DLGAP4: variants seen among roughly 807,000 people sequenced by gnomAD.
DLGAP4 encodes DLG associated protein 4.
In DLGAP4, 18 loss-of-function variants were observed where a neutral mutation model predicts 86.9. That is an observed-to-expected ratio of 0.21 (90% CI 0.14 to 0.31). The LOEUF is 0.31. Ranked by LOEUF, DLGAP4 falls within the 10% of genes least tolerant of loss-of-function variation. The pLI, the probability that DLGAP4 is intolerant of heterozygous loss-of-function variation, is 1.00. For missense variants in DLGAP4, 1,085 were observed against 1,362.6 expected, an observed-to-expected ratio of 0.80 and a Z score of 3.21; for synonymous variants, 548 against 574.3, an observed-to-expected ratio of 0.95 and a Z score of 0.65.
At chr20:36,442,681 C>A (rs773094511) in intron 5 of DLGAP4, 46 bp from the exon 6 acceptor site, 2 of 1,609,172 alleles carry the variant, frequency 1.2e-6, no homozygotes, top group Admixed American at 3.3e-5. Context: ...CCCACCCCAG[C>A]CCCAGCCCTG....
chr20:36,376,738 G>A (rs2031169643), intron 2 of DLGAP4, among the ~76,000 whole-genome samples: 1 of 152,180 alleles, frequency 6.6e-6, no homozygotes, highest in African/African-American at 2.4e-5. Context: ...GACCTCGTCA[G>A]CTTCGTGAGA....
At chr20:36,389,492 C>G (rs1461700721) in intron 2 of DLGAP4, among the ~76,000 whole-genome samples, 1 of 152,176 alleles carries the variant, frequency 6.6e-6, no homozygotes, top group Non-Finnish European at 1.5e-5. Context: ...GATGCCAAGT[C>G]ATGGGCTTAC....
chr20:36,360,951 GGTGA>G (rs2030498705), intron 1 of DLGAP4, among the ~76,000 whole-genome samples: 1 of 152,078 alleles, frequency 6.6e-6, no homozygotes, highest in Non-Finnish European at 1.5e-5. Flanking sequence ...CAGGTTCAGA[GGTGA>G]CCTCGGGCTG....
intron 2 of DLGAP4, among the ~76,000 whole-genome samples, chr20:36,398,258 TC>T (rs1350868838): frequency 6.6e-6 from 1 of 152,210 alleles, no homozygotes; most frequent in Non-Finnish European, 1.5e-5. Flanking sequence ...AAGAGGAGAT[TC>T]CTGATCCGGT....
chr20:36,497,652 G>A, intron 8 of DLGAP4: 1 of 985,180 alleles, frequency 1.0e-6, no homozygotes, highest in Non-Finnish European at 1.2e-6. Context: ...GGTGATGCCG[G>A]TCTCACTGCC....
chr20:36,513,888 G>A (rs930690617), intron 10 of DLGAP4, among the ~76,000 whole-genome samples: 2 of 152,170 alleles, frequency 1.3e-5, no homozygotes, highest in African/African-American at 4.8e-5. Flanking sequence ...TTTGGAACAT[G>A]TTAAATTTGA....
At chr20:36,417,585 T>C (rs148172628) in intron 2 of DLGAP4, among the ~76,000 whole-genome samples, 60 of 152,118 alleles carry the variant, frequency 3.9e-4, no homozygotes, top group African/African-American at 1.3e-3. Context: ...GGTCTCACTA[T>C]GCTGCCCAGA....
intron 2 of DLGAP4, among the ~76,000 whole-genome samples, chr20:36,399,415 G>T (rs1335941658): frequency 6.6e-6 from 1 of 152,160 alleles, no homozygotes; most frequent in East Asian, 1.9e-4. Flanking sequence ...CACATTCTGT[G>T]TAAGAAAAAA....
At chr20:36,355,824 C>A (rs2030308604) in intron 1 of DLGAP4, among the ~76,000 whole-genome samples, 1 of 152,210 alleles carries the variant, frequency 6.6e-6, no homozygotes, top group African/African-American at 2.4e-5. Flanking sequence ...TCCCATATAA[C>A]CTCCCTTTTC....
intron 2 of DLGAP4, among the ~76,000 whole-genome samples, chr20:36,374,891 C>T (rs2031092079): frequency 6.6e-6 from 1 of 152,254 alleles, no homozygotes; most frequent in Non-Finnish European, 1.5e-5. Flanking sequence ...CAGAAGCCTG[C>T]ATTTCCAGGT....
At position 36,500,710 on chromosome 20, in the gene DLGAP4, CT is replaced by C; in HGVS notation, c.2512+101del. On this transcript the variant is annotated intron_variant, in intron 10 of 12. Transcript: ENST00000339266. This position sits in a 1 kb window ranked among gnomAD's most constrained non-coding sequence, Gnocchi z 4.6. ...CTTCCGAACTTCTGAGTGGGGGTCT[CT>C]TAGGTTCTCTTCTTGGGCTAGTTTT... is the stretch of plus-strand genomic sequence containing the variant. 1 of 1,172,078 alleles carries C rather than the reference CT, an allele frequency of 8.5e-7. No individual in the cohort carries two copies. Among genetic ancestry groups the C allele is most frequent in the Non-Finnish European group, 1.1e-6 (1 of 885,882 alleles). The allele number at this position is 1,172,078 out of a possible 1,614,324, so 72.6% of individuals were successfully genotyped here. A position where few individuals can be genotyped will look rare whatever the true frequency, so the allele number is the denominator to read the frequency against.
intron 2 of DLGAP4, among the ~76,000 whole-genome samples, chr20:36,401,870 G>A (rs1211344559): frequency 1.3e-5 from 2 of 152,226 alleles, no homozygotes; most frequent in African/African-American, 2.4e-5. Context: ...ATCGGGAAAA[G>A]TATTCTAGAA....
At chr20:36,408,759 A>G (rs1600492331) in intron 2 of DLGAP4, among the ~76,000 whole-genome samples, 1 of 152,382 alleles carries the variant, frequency 6.6e-6, no homozygotes, top group African/African-American at 2.4e-5. Flanking sequence ...AAAGTTTTGC[A>G]ATAGATATAT....
chr20:36,432,565 G>A lies in DLGAP4; in HGVS notation c.848G>A (p.Gly283Asp), dbSNP rs1012761705. 1 of 1,609,564 alleles carries A rather than the reference G, an allele frequency of 6.2e-7. No homozygotes were observed. Among genetic ancestry groups the A allele is most frequent in the Non-Finnish European group, 8.5e-7 (1 of 1,178,318 alleles). The part of the protein sequence containing the change: ...PPATCPSLGV[G>D]TDTNYVKRGS... Reference sequence around the variant, plus strand: ...GCCACCTGCCCCAGCCTTGGGGTGGGCACTGACACCAACTACGTCAAACGG... The same window carrying A: ...GCCACCTGCCCCAGCCTTGGGGTGGACACTGACACCAACTACGTCAAACGG... Residue 283 changes from glycine to aspartate, a missense_variant, in exon 3 of 13, where the codon GGC becomes GAC. Around this residue, in one of 2 missense-constraint regions of DLGAP4, gnomAD observed 1,082 missense variants for 1,344.1 expected, o/e 0.81. Coordinates refer to ENST00000339266, the MANE Select transcript of DLGAP4 (RefSeq NM_001365621.2). This position sits in a 1 kb window ranked among gnomAD's most constrained non-coding sequence, Gnocchi z 6.5.
rs145153802 is a variant in DLGAP4 at position 36,336,770 on chromosome 20, C to A, written c.-304+30258C>A. ...TGGTTTCCTTGGCTGCCTTGATGTG[C>A]CCACCCTTGACTGTGGCCTTGCATC... On this transcript the variant is annotated intron_variant, in intron 1 of 12. Transcript: ENST00000339266. Among the ~76,000 whole-genome samples the A allele has an allele frequency of 9.7e-4, 147 of 152,258 alleles. 1 individual carries two copies. The highest frequency in any genetic ancestry group is 3.4e-3 in the African/African-American group (142 of 41,548).
At chr20:36,318,665 C>T (rs2065135802) in intron 1 of DLGAP4, among the ~76,000 whole-genome samples, 1 of 152,164 alleles carries the variant, frequency 6.6e-6, no homozygotes, top group Non-Finnish European at 1.5e-5. Context: ...TGGACCACTG[C>T]ACCCAGCCCT....
intron 1 of DLGAP4, among the ~76,000 whole-genome samples, chr20:36,323,946 C>T (rs2065193666): frequency 6.6e-6 from 1 of 152,234 alleles, no homozygotes; most frequent in African/African-American, 2.4e-5. Flanking sequence ...TAACAGGCCA[C>T]AGACTGGTAC....
At chr20:36,436,006 A>T in intron 3 of DLGAP4, 103 bp from the exon 4 acceptor site, 5 of 1,414,940 alleles carry the variant, frequency 3.5e-6, no homozygotes, top group African/African-American at 1.5e-5. Flanking sequence ...CGTGAGCCCG[A>T]ATTCTGCAGG....
At chr20:36,413,413 CTTTTTTT>C (rs71184094) in intron 2 of DLGAP4, among the ~76,000 whole-genome samples, 2 of 71,010 alleles carry the variant, frequency 2.8e-5, no homozygotes, top group African/African-American at 1.1e-4. Flanking sequence ...TTGTTCTGGA[CTTTTTTT>C]TTTTTTTTTT....
Sources: gnomAD v4.1 joint callset for allele counts (sites outside exome capture counted in the v4.1 genomes callset) on GRCh38, gnomAD v4.1.1 for gene constraint, gnomAD v4.1.1 regional missense constraint, Gnocchi (gnomAD v3.1) non-coding constraint, MANE v1.5 for transcripts, NCBI Gene and HGNC (gene_info 2026-07-23, HGNC 2026-07-21) for gene names.